Variants in CDK14 observed in about 807,000 individuals in gnomAD.
CDK14 encodes the protein cyclin-dependent kinase 14.
Under a neutral mutation model 60.7 loss-of-function variants are expected in CDK14, and 34 were observed. That is an observed-to-expected ratio of 0.56 (90% CI 0.43 to 0.75). The LOEUF is 0.75. CDK14 is among the 30% of genes least tolerant of loss of function. CDK14 has a pLI of 0.00. For missense variants in CDK14, 482 were observed against 564.1 expected (o/e 0.85, Z 1.47); for synonymous variants, 197 against 203.7 (o/e 0.97, Z 0.28).
rs1213031677 is a variant in CDK14 at position 90,919,168 on chromosome 7, AG to A, written c.826+1446del. 4.6e-5 allele frequency among the ~76,000 whole-genome samples: 7 copies of A among 152,308 alleles called. No homozygotes were observed. The South Asian group carries it at 1.0e-3, about 23-fold the overall frequency. The stretch of plus-strand genomic sequence containing the variant: ...GTTGGTCAGTGTCAGGAAATGAAAA[AG>A]GATTTATAATGATTTTCTTATGGTG... On this transcript the variant is annotated intron_variant, in intron 8 of 14. Coordinates refer to ENST00000380050, the MANE Select transcript of CDK14 (RefSeq NM_001287135.2).
intron 4 of CDK14, among the ~76,000 whole-genome samples, chr7:90,753,569 AC>A (rs778536268): frequency 6.6e-6 from 1 of 152,156 alleles, no homozygotes. Context: ...CCTCTACAGA[AC>A]TGGAAAAAGA....
intron 8 of CDK14, among the ~76,000 whole-genome samples, chr7:90,946,231 G>A (rs903614674): frequency 2.0e-5 from 3 of 152,130 alleles, no homozygotes; most frequent in African/African-American, 7.2e-5. Flanking sequence ...TTATTTCATG[G>A]AATTAATGTA....
chr7:90,967,801 G>A (rs1358291039), intron 9 of CDK14, among the ~76,000 whole-genome samples: 1 of 152,218 alleles, frequency 6.6e-6, no homozygotes, highest in Non-Finnish European at 1.5e-5. Context: ...TTCAACAAGT[G>A]TTTAGGCAAT....
chr7:91,171,580 A>T (rs941222824), intron 14 of CDK14, among the ~76,000 whole-genome samples: 5 of 152,212 alleles, frequency 3.3e-5, no homozygotes, highest in African/African-American at 1.2e-4. Flanking sequence ...TTGAGGCCAA[A>T]CTTCTCTGCT....
chr7:90,698,077 A>AAAAAG (rs1563048792), intron 2 of CDK14, among the ~76,000 whole-genome samples: 2 of 146,134 alleles, frequency 1.4e-5, no homozygotes, highest in Non-Finnish European at 3.1e-5. Flanking sequence ...CAAAAAAAAA[A>AAAAAG]AAAAAAAAAA....
At chr7:90,974,133 T>C (rs1795004073) in intron 9 of CDK14, among the ~76,000 whole-genome samples, 1 of 152,202 alleles carries the variant, frequency 6.6e-6, no homozygotes, top group African/African-American at 2.4e-5. Context: ...TCAGTGATAC[T>C]TCTCCTATTC....
intron 2 of CDK14, among the ~76,000 whole-genome samples, chr7:90,629,443 C>CT: frequency 6.6e-6 from 1 of 152,292 alleles, no homozygotes; most frequent in Admixed American, 6.5e-5. Context: ...GGTCTGGTGT[C>CT]TGTCTGTCCC....
At chr7:91,058,532 T>G (rs2116096937) in intron 11 of CDK14, among the ~76,000 whole-genome samples, 1 of 152,356 alleles carries the variant, frequency 6.6e-6, no homozygotes. Flanking sequence ...AGTATGATAT[T>G]GGCTGTGGGT....
intron 2 of CDK14, among the ~76,000 whole-genome samples, chr7:90,698,463 A>C (rs1801711918): frequency 1.3e-5 from 2 of 152,222 alleles, no homozygotes; most frequent in African/African-American, 4.8e-5. Context: ...TAGATTCTTC[A>C]TACATAGATA....
intron 8 of CDK14, among the ~76,000 whole-genome samples, chr7:90,944,319 A>C (rs1794032140): frequency 6.6e-6 from 1 of 152,204 alleles, no homozygotes; most frequent in African/African-American, 2.4e-5. Flanking sequence ...CGATCTGCCA[A>C]AGGAACCTCT....
chr7:91,158,359 C>A (rs2115729111), intron 14 of CDK14, among the ~76,000 whole-genome samples: 1 of 151,992 alleles, frequency 6.6e-6, no homozygotes, highest in East Asian at 1.9e-4. Flanking sequence ...ACTACAGGCA[C>A]ATGCTATCAT....
intron 14 of CDK14, among the ~76,000 whole-genome samples, chr7:91,160,323 G>GC (rs1213702539): frequency 6.6e-6 from 1 of 152,082 alleles, no homozygotes; most frequent in Non-Finnish European, 1.5e-5. Context: ...TCCAGCCCAG[G>GC]CCCCTGAGAG....
intron 14 of CDK14, among the ~76,000 whole-genome samples, chr7:91,174,362 C>T (rs2115826103): frequency 6.7e-6 from 1 of 150,310 alleles, no homozygotes; most frequent in Non-Finnish European, 1.5e-5. Context: ...GGGGAAAAAA[C>T]AGAACAGAAA....
chr7:91,176,707 A>G (rs1801772595), intron 14 of CDK14, among the ~76,000 whole-genome samples: 1 of 152,034 alleles, frequency 6.6e-6, no homozygotes, highest in Non-Finnish European at 1.5e-5. Flanking sequence ...TAGAAAATCT[A>G]GAAGAAATGG....
At chr7:91,013,662 T>G (rs1796224051) in intron 10 of CDK14, among the ~76,000 whole-genome samples, 1 of 150,980 alleles carries the variant, frequency 6.6e-6, no homozygotes, top group Admixed American at 6.6e-5. Context: ...CTCTGTTTTT[T>G]TTTTTTTTTT....
At chr7:90,918,684 G>A (rs1392677870) in intron 8 of CDK14, among the ~76,000 whole-genome samples, 3 of 152,074 alleles carry the variant, frequency 2.0e-5, no homozygotes, top group Non-Finnish European at 4.4e-5. Flanking sequence ...ATTACCCTTG[G>A]GACATAAAGA....
chr7:91,176,944 C>T (rs1351047325), intron 14 of CDK14, among the ~76,000 whole-genome samples: 3 of 152,090 alleles, frequency 2.0e-5, no homozygotes, highest in African/African-American at 7.2e-5. Flanking sequence ...AGGGAATCCT[C>T]CCTAACTCAT....
At chr7:90,931,915 T>A (rs1424209857) in intron 8 of CDK14, among the ~76,000 whole-genome samples, 1 of 152,218 alleles carries the variant, frequency 6.6e-6, no homozygotes. Context: ...GTCTGTTGAT[T>A]CAAACACATG....
intron 10 of CDK14, among the ~76,000 whole-genome samples, chr7:91,017,284 A>C (rs929425898): frequency 3.9e-5 from 6 of 152,334 alleles, no homozygotes; most frequent in Admixed American, 3.9e-4. Flanking sequence ...AGAGGAAGGA[A>C]GAGAAAGTGG....
Sources: gnomAD v4.1 joint callset for allele counts (sites outside exome capture counted in the v4.1 genomes callset) on GRCh38, gnomAD v4.1.1 for gene constraint, MANE v1.5 for transcripts, NCBI Gene and HGNC (gene_info 2026-07-23, HGNC 2026-07-21) for gene names.